Variants in AP1G1 observed in about 807,000 individuals in gnomAD.
AP1G1 encodes AP-1 complex subunit gamma-1.
Under a neutral mutation model 108.3 loss-of-function variants are expected in AP1G1, and 7 were observed. That is an observed-to-expected ratio of 0.06 (90% CI 0.04 to 0.12). The LOEUF (loss-of-function observed/expected upper bound fraction) is 0.12. Ranked by LOEUF, AP1G1 falls within the 10% of genes least tolerant of loss-of-function variation. The pLI, the probability that AP1G1 is intolerant of heterozygous loss-of-function variation, is 1.00. For synonymous variants in AP1G1, 379 were observed against 353.5 expected (o/e 1.07, Z -0.81); for missense variants, 756 against 1,010.7 (o/e 0.75, Z 3.42).
At chr16:71,780,339 T>A (rs2031965207) in intron 2 of AP1G1, among the ~76,000 whole-genome samples, 1 of 151,926 alleles carries the variant, frequency 6.6e-6, no homozygotes, top group Non-Finnish European at 1.5e-5. Flanking sequence ...AAAATTTTTT[T>A]AAATCAGCCA....
chr16:71,777,259 G>T (rs1300558282), intron 2 of AP1G1, among the ~76,000 whole-genome samples: 4 of 151,634 alleles, frequency 2.6e-5, no homozygotes, highest in Non-Finnish European at 5.9e-5. Flanking sequence ...TAGGGATGAG[G>T]CAGGACATGA....
chr16:71,758,041 TA>T (rs1271918736), intron 11 of AP1G1, among the ~76,000 whole-genome samples: 1 of 152,240 alleles, frequency 6.6e-6, no homozygotes, highest in Non-Finnish European at 1.5e-5. Context: ...TTATTAAGTT[TA>T]GGTCTTATCT....
At chr16:71,798,879 ACT>A (rs1457500335) in intron 1 of AP1G1, among the ~76,000 whole-genome samples, 2 of 151,278 alleles carry the variant, frequency 1.3e-5, no homozygotes, top group Non-Finnish European at 2.9e-5. Context: ...CAAGGGTGAG[ACT>A]CTGTCTCCCA....
intron 6 of AP1G1, among the ~76,000 whole-genome samples, chr16:71,768,226 G>C (rs572819761): frequency 2.1e-4 from 32 of 149,486 alleles, no homozygotes; most frequent in Non-Finnish European, 4.4e-4. Context: ...GGCCGGGCGC[G>C]GTAGCTCACG....
intron 1 of AP1G1, among the ~76,000 whole-genome samples, chr16:71,802,365 C>T (rs1195405904): frequency 6.6e-6 from 1 of 152,092 alleles, no homozygotes; most frequent in African/African-American, 2.4e-5. Flanking sequence ...CTCCTGGGTT[C>T]AAGTGATCTT....
chr16:71,745,018 TC>T, intron 19 of AP1G1, 125 bp downstream of exon 19: 2 of 992,300 alleles, frequency 2.0e-6, no homozygotes, highest in Non-Finnish European at 3.0e-6. Context: ...AAGATTTGAC[TC>T]TTGCTTCTGA....
chr16:71,731,207 GGA>G lies in AP1G1; in HGVS notation c.*1849_*1850del, dbSNP rs1298836217. 2 of 152,474 alleles carry G rather than the reference GGA, an allele frequency of 1.3e-5. No homozygotes were observed. Among genetic ancestry groups the G allele is most frequent in the Non-Finnish European group, 2.9e-5 (2 of 68,038 alleles). 9.4% of individuals were successfully genotyped at this position (152,474 alleles called of 1,614,324 possible). ...CACTTACATTACTGAAAACTATGCA[GGA>G]GATATTATCCTGTTCTTGACTCAGT... On this transcript the variant is annotated 3_prime_UTR_variant, in exon 23 of 23. Coordinates refer to ENST00000299980, the MANE Select transcript of AP1G1 (RefSeq NM_001128.6).
Position 71,732,176 on chromosome 16 carries a change from T to C in AP1G1, c.*882A>G, listed in dbSNP as rs564028215. 6.6e-6 allele frequency: 1 copy of C among 152,294 alleles called. No homozygotes were observed. Among genetic ancestry groups the C allele is most frequent in the African/African-American group, 2.4e-5 (1 of 41,540 alleles). The allele number at this position is 152,294 out of a possible 1,614,324, so 9.4% of individuals were successfully genotyped here. ...TTTAAAATTTGTGGTGGGAATAGGG[T>C]CATTAATAACTATGAATATATCTTT... On this transcript the variant is annotated 3_prime_UTR_variant, in exon 23 of 23. Transcript: ENST00000299980.
At chr16:71,758,663 T>C (rs777445822) in intron 11 of AP1G1, 145 bp downstream of exon 11, 14 of 621,876 alleles carry the variant, frequency 2.3e-5, no homozygotes, top group Non-Finnish European at 3.8e-5. Context: ...GCAGAGTCCA[T>C]CTGTGAACAC....
At chr16:71,767,737 G>A in intron 6 of AP1G1, 1 of 804,460 alleles carries the variant, frequency 1.2e-6, no homozygotes, top group Non-Finnish European at 1.9e-6. Flanking sequence ...GTTAGCCAAA[G>A]ATGGTAGAAC....
Position 71,745,156 on chromosome 16 carries a change from T to C in AP1G1, c.1987A>G (p.Ile663Val). The C allele has an allele frequency of 3.1e-6, 5 of 1,614,172 alleles. No individual in the cohort carries two copies. Among genetic ancestry groups the C allele is most frequent in the Admixed American group, 3.3e-5 (2 of 60,016 alleles). The change falls in exon 19 of 23, where the codon ATC (isoleucine) becomes GTC (valine). Residue 663 changes from isoleucine to valine, a missense_variant. Physicochemically the swap from Ile to Val is conservative, Grantham distance 29. This residue lies in a region of AP1G1 where 357 missense variants were observed against 366.5 expected (regional missense o/e 0.97). Transcript: ENST00000299980. The stretch of plus-strand genomic sequence containing the variant: ...CAGACTGCCTCACCTGTAAGGTTGA[T>C]GTCTCCCAGCAAATCAAGAAGTTCT... ...GGELLDLLGD[I>V]NLTGAPAAAP...
chr16:71,773,112 G>GA, intron 4 of AP1G1, 109 bp downstream of exon 4: 1 of 1,226,448 alleles, frequency 8.2e-7, no homozygotes, highest in Non-Finnish European at 1.2e-6. Context: ...TTACTACACA[G>GA]AAAAAATGAC....
chr16:71,779,409 C>G (rs1308235012), intron 2 of AP1G1, among the ~76,000 whole-genome samples: 1 of 152,064 alleles, frequency 6.6e-6, no homozygotes, highest in African/African-American at 2.4e-5. Context: ...GCTATCTCGG[C>G]TCAACACAAC....
intron 2 of AP1G1, among the ~76,000 whole-genome samples, chr16:71,781,735 G>A (rs951982887): frequency 6.6e-6 from 1 of 152,170 alleles, no homozygotes; most frequent in Non-Finnish European, 1.5e-5. Flanking sequence ...CCTATTATCT[G>A]AGGACAAACA....
intron 1 of AP1G1, among the ~76,000 whole-genome samples, chr16:71,804,494 C>G (rs550892534): frequency 2.7e-5 from 4 of 150,920 alleles, no homozygotes; most frequent in Non-Finnish European, 1.5e-5. Context: ...CTGCAACCTC[C>G]ACCTCCCTGT....
intron 2 of AP1G1, among the ~76,000 whole-genome samples, chr16:71,774,999 G>C (rs1248081637): frequency 2.7e-5 from 4 of 148,244 alleles, no homozygotes; most frequent in Non-Finnish European, 5.9e-5. Flanking sequence ...GGGATTACAG[G>C]CATGAGCCAC....
At chr16:71,769,810 C>A in intron 5 of AP1G1, 111 bp from the exon 6 acceptor site, 1 of 800,330 alleles carries the variant, frequency 1.2e-6, no homozygotes, top group South Asian at 1.5e-5. Flanking sequence ...GCTACTTTTG[C>A]TTTTTAATCC....
chr16:71,807,912 A>G, intron 1 of AP1G1: 2 of 1,281,794 alleles, frequency 1.6e-6, no homozygotes, highest in Non-Finnish European at 2.0e-6. Context: ...CTAAGTATTC[A>G]GCACAGGGAG....
intron 4 of AP1G1, among the ~76,000 whole-genome samples, chr16:71,772,760 A>T (rs1333570304): frequency 6.6e-6 from 1 of 152,234 alleles, no homozygotes; most frequent in Non-Finnish European, 1.5e-5. Context: ...TAAAATGCTT[A>T]TATCAACAAA....
Sources: allele counts gnomAD v4.1 joint callset (sites outside exome capture counted in the v4.1 genomes callset), GRCh38; gene constraint gnomAD v4.1.1; regional missense constraint gnomAD v4.1.1; transcripts MANE v1.5; gene names NCBI Gene and HGNC (gene_info 2026-07-23, HGNC 2026-07-21).